The following SEC23A variants were observed in gnomAD, a reference collection of about 807,000 sequenced individuals.
SEC23A encodes SEC23 homolog A, COPII component.
A neutral mutation model predicts 103.7 loss-of-function variants in SEC23A; 56 were observed. The observed-to-expected ratio is 0.54, with a 90% CI of 0.44 to 0.67. SEC23A has a LOEUF of 0.67. Among genes scored for constraint, SEC23A ranks in the 30% least tolerant of loss-of-function variants. The pLI, the probability that SEC23A is intolerant of heterozygous loss-of-function variation, is 0.00. For missense variants in SEC23A, 784 were observed against 936.4 expected (o/e 0.84, Z 2.12); for synonymous variants, 281 against 293.0 (o/e 0.96, Z 0.42).
At chr14:39,049,911 G>A (rs2139202426) in intron 14 of SEC23A, among the ~76,000 whole-genome samples, 2 of 151,858 alleles carry the variant, frequency 1.3e-5, no homozygotes, top group Non-Finnish European at 2.9e-5. Flanking sequence ...TCCTGCCTCA[G>A]GCATCCGCCG....
At chr14:39,070,385 C>T (rs987198269) in intron 9 of SEC23A, among the ~76,000 whole-genome samples, 4 of 152,152 alleles carry the variant, frequency 2.6e-5, no homozygotes, top group African/African-American at 4.8e-5. Context: ...CATTCTGTGA[C>T]GACAGTTACC....
Position 39,085,911 on chromosome 14 carries a change from G to GA in SEC23A, c.684-6dup, listed in dbSNP as rs747886613. On this transcript the variant is annotated splice_polypyrimidine_tract_variant and splice_region_variant and intron_variant, in intron 6 of 19. Coordinates refer to ENST00000307712, the MANE Select transcript of SEC23A (RefSeq NM_006364.4). ...TTCTGTACTGGTTGTAAGAATCTAAGAAACAGAATTAAATAAAAAGCCATT... is the reference window on the plus strand; with the variant it reads ...TTCTGTACTGGTTGTAAGAATCTAAGAAAACAGAATTAAATAAAAAGCCATT... The GA allele has an allele frequency of 2.1e-5, 34 of 1,611,652 alleles. No homozygotes were observed. The African/African-American group carries it at 4.3e-4, about 20-fold the overall frequency.
At chr14:39,063,237 A>T in intron 12 of SEC23A, 87 bp downstream of exon 12, 1 of 814,568 alleles carries the variant, frequency 1.2e-6, no homozygotes, top group Non-Finnish European at 2.1e-6. Flanking sequence ...ACTATAGGAA[A>T]AAAAATATGA....
intron 19 of SEC23A, among the ~76,000 whole-genome samples, chr14:39,037,955 C>T (rs1885513536): frequency 6.6e-6 from 1 of 152,168 alleles, no homozygotes; most frequent in Non-Finnish European, 1.5e-5. Context: ...AGACTGCTTC[C>T]ATTTAATCTT....
At chr14:39,092,008 T>C (rs1451135568) in intron 4 of SEC23A, among the ~76,000 whole-genome samples, 1 of 152,212 alleles carries the variant, frequency 6.6e-6, no homozygotes, top group East Asian at 1.9e-4. Flanking sequence ...TAAACCTGAC[T>C]TGGATTTTCA....
chr14:39,063,256 T>C (rs1003623640), intron 12 of SEC23A, 68 bp downstream of exon 12: 7 of 916,230 alleles, frequency 7.6e-6, no homozygotes, highest in Non-Finnish European at 1.3e-5. Context: ...GAACTATTCA[T>C]GGCCTAAAGT....
intron 15 of SEC23A, among the ~76,000 whole-genome samples, chr14:39,045,528 A>G (rs1885799384): frequency 6.6e-6 from 1 of 152,062 alleles, no homozygotes; most frequent in Non-Finnish European, 1.5e-5. Flanking sequence ...ACAAGAAAAA[A>G]AATTTAAGAA....
At chr14:39,041,638 C>T (rs911845233) in intron 17 of SEC23A, among the ~76,000 whole-genome samples, 9 of 151,820 alleles carry the variant, frequency 5.9e-5, no homozygotes, top group African/African-American at 2.2e-4. Context: ...GGGAAGCCAA[C>T]ACGGGCGGAT....
At chr14:39,099,944 A>G (rs1047834502) in intron 1 of SEC23A, among the ~76,000 whole-genome samples, 3 of 152,130 alleles carry the variant, frequency 2.0e-5, no homozygotes, top group African/African-American at 7.2e-5. Context: ...GACCATTAGG[A>G]AACCTCACTA....
At chr14:39,063,707 T>C (rs1179303782) in intron 11 of SEC23A, among the ~76,000 whole-genome samples, 1 of 152,098 alleles carries the variant, frequency 6.6e-6, no homozygotes, top group African/African-American at 2.4e-5. Context: ...TAAAAGCATA[T>C]GCTATTTGGC....
intron 1 of SEC23A, among the ~76,000 whole-genome samples, chr14:39,102,159 G>C (rs2139311204): frequency 6.6e-6 from 1 of 152,104 alleles, no homozygotes; most frequent in Middle Eastern, 3.4e-3. Flanking sequence ...TTGAACCAGG[G>C]AGGCGGAGGT....
intron 1 of SEC23A, among the ~76,000 whole-genome samples, chr14:39,099,467 T>C (rs1157576691): frequency 2.0e-5 from 3 of 152,144 alleles, no homozygotes; most frequent in Non-Finnish European, 4.4e-5. Context: ...CATTAAATTG[T>C]TTTAAAACTT....
At chr14:39,053,501 G>C (rs1271834770) in intron 14 of SEC23A, among the ~76,000 whole-genome samples, 1 of 150,966 alleles carries the variant, frequency 6.6e-6, no homozygotes, top group Non-Finnish European at 1.5e-5. Flanking sequence ...CCTATGAGAG[G>C]ATTAATCTTT....
At chr14:39,072,804 C>T (rs553724235) in intron 9 of SEC23A, among the ~76,000 whole-genome samples, 2 of 152,130 alleles carry the variant, frequency 1.3e-5, no homozygotes, top group South Asian at 4.1e-4. Flanking sequence ...CAGAGAAAGA[C>T]CCCATCTAAA....
intron 14 of SEC23A, among the ~76,000 whole-genome samples, chr14:39,053,187 C>T (rs184606948): frequency 2.6e-5 from 4 of 152,104 alleles, no homozygotes; most frequent in East Asian, 3.8e-4. Flanking sequence ...CATTTAAAAA[C>T]AGTACAATAA....
chr14:39,048,777 T>C, intron 14 of SEC23A, 48 bp from the exon 15 acceptor site: 1 of 986,052 alleles, frequency 1.0e-6, no homozygotes, highest in Non-Finnish European at 1.6e-6. Context: ...GAATAAAAGC[T>C]AACACTGTTG....
Position 39,074,435 on chromosome 14 carries a change from T to G in SEC23A, c.1083A>C (p.Lys361Asn). 1 of 1,611,570 alleles carries G rather than the reference T, an allele frequency of 6.2e-7. No homozygotes were observed. Among genetic ancestry groups the G allele is most frequent in the South Asian group, 1.1e-5 (1 of 91,024 alleles). Residue 361 changes from lysine to asparagine, a missense_variant, in exon 9 of 20, where the codon AAA becomes AAC. By Grantham distance (94) the Lys-to-Asn change is moderately conservative (BLOSUM62 0). Around this residue, in one of 2 missense-constraint regions of SEC23A, gnomAD observed 683 missense variants for 774.2 expected, o/e 0.88. Transcript: ENST00000307712. ...ALDQTGLLEM[K>N]CCPNLTGGYM... ...CATACCCAGTAAGGTTGGGACAGCA[T>G]TTCATCTCCAGGAGACCTGTCTGAT...
intron 17 of SEC23A, chr14:39,041,409 C>CAAAAAAAAAAA (rs56911438): frequency 2.6e-3 from 38 of 14,632 alleles, no homozygotes; most frequent in East Asian, 6.5e-3. Flanking sequence ...AAAGAAAAAG[C>CAAAAAAAAAAA]AAAAAAAAAA....
chr14:39,093,282 T>C (rs781753641), intron 2 of SEC23A, 38 bp from the exon 3 acceptor site: 5 of 1,523,456 alleles, frequency 3.3e-6, no homozygotes, highest in South Asian at 2.3e-5. Context: ...TCAGTTCATA[T>C]TTCAGTTCAA....
Sources: gnomAD v4.1 joint callset for allele counts (sites outside exome capture counted in the v4.1 genomes callset) on GRCh38, gnomAD v4.1.1 for gene constraint, gnomAD v4.1.1 regional missense constraint, MANE v1.5 for transcripts, NCBI Gene and HGNC (gene_info 2026-07-23, HGNC 2026-07-21) for gene names.